Variants in HPSE2 observed in about 807,000 individuals in gnomAD.
HPSE2 encodes heparanase 2 (inactive).
In HPSE2, 38 loss-of-function variants were observed where a neutral mutation model predicts 60.5. The observed-to-expected ratio is 0.63, with a 90% CI of 0.48 to 0.82. The LOEUF is 0.82. Ranked by LOEUF, HPSE2 falls within the 40% of genes least tolerant of loss-of-function variation. The pLI is 0.00. For synonymous variants in HPSE2, 295 were observed against 293.2 expected, an observed-to-expected ratio of 1.01 and a Z score of -0.06; for missense variants, 713 against 740.4, an observed-to-expected ratio of 0.96 and a Z score of 0.43.
chr10:99,159,176 A>G (rs1408451912), intron 2 of HPSE2, among the ~76,000 whole-genome samples: 1 of 152,204 alleles, frequency 6.6e-6, no homozygotes, highest in Non-Finnish European at 1.5e-5. Flanking sequence ...ATGGAAATCA[A>G]TGAACTAGAA....
intron 3 of HPSE2, among the ~76,000 whole-genome samples, chr10:99,115,257 C>T (rs1844639535): frequency 6.6e-6 from 1 of 151,712 alleles, no homozygotes; most frequent in Non-Finnish European, 1.5e-5. Context: ...GGGTTCACCC[C>T]ATTCTCCTGC....
rs540940338 is a variant in HPSE2 at position 98,630,683 on chromosome 10, T to C, written c.1099-9975A>G. Among the ~76,000 whole-genome samples the C allele has an allele frequency of 3.3e-5, 5 of 152,306 alleles. No homozygotes were observed. The East Asian group carries it at 9.6e-4, about 29-fold the overall frequency. On this transcript the variant is annotated intron_variant, in intron 7 of 11. Coordinates refer to ENST00000370552, the MANE Select transcript of HPSE2 (RefSeq NM_021828.5). Reference sequence around the variant, plus strand: ...GACCTACCTCTGACCTTGACCTTATTATACTGAATTGTAATTTTCTATTTT... The same window carrying C: ...GACCTACCTCTGACCTTGACCTTATCATACTGAATTGTAATTTTCTATTTT...
At chr10:98,827,702 G>A (rs753954375) in intron 3 of HPSE2, among the ~76,000 whole-genome samples, 28 of 152,280 alleles carry the variant, frequency 1.8e-4, no homozygotes, top group Middle Eastern at 3.4e-3. Context: ...TACATATTTT[G>A]TCATGTGGTA....
At chr10:99,198,024 T>A (rs542180874) in intron 2 of HPSE2, among the ~76,000 whole-genome samples, 23 of 150,688 alleles carry the variant, frequency 1.5e-4, no homozygotes, top group Admixed American at 1.5e-3. Context: ...TGAGCCAAGA[T>A]CGTGCCACAC....
At chr10:99,035,844 C>T (rs1370143452) in intron 3 of HPSE2, among the ~76,000 whole-genome samples, 5 of 152,114 alleles carry the variant, frequency 3.3e-5, no homozygotes, top group East Asian at 1.9e-4. Flanking sequence ...TAGCTTTGTC[C>T]GATGAGAGAA....
At position 98,929,439 on chromosome 10, in the gene HPSE2, T is replaced by C. The variant is rs1954582104; in HGVS notation, c.611-185383A>G. Among the ~76,000 whole-genome samples the C allele has an allele frequency of 1.4e-5, 2 of 144,118 alleles. 1 individual carries two copies. The highest frequency in any genetic ancestry group is 4.2e-4 in the South Asian group (2 of 4,746). 94.5% of individuals were successfully genotyped at this position (144,118 alleles called of 152,430 possible). On this transcript the variant is annotated intron_variant, in intron 3 of 11. Coordinates refer to ENST00000370552, the MANE Select transcript of HPSE2 (RefSeq NM_021828.5). ...AAAATGGAGGTAGAAAAGATAATAC[T>C]CAAGATCCTTTCTGGCCCTATTGAT...
At chr10:98,586,225 C>T (rs1185133938) in intron 9 of HPSE2, among the ~76,000 whole-genome samples, 1 of 152,188 alleles carries the variant, frequency 6.6e-6, no homozygotes, top group Non-Finnish European at 1.5e-5. Flanking sequence ...GTTCCCCAAA[C>T]TGTTCACTGT....
chr10:98,488,515 G>A (rs1051970700), intron 10 of HPSE2, among the ~76,000 whole-genome samples: 2 of 152,206 alleles, frequency 1.3e-5, no homozygotes, highest in Admixed American at 6.5e-5. Context: ...TCGAGATCAC[G>A]TGAGGAGGCT....
intron 9 of HPSE2, among the ~76,000 whole-genome samples, chr10:98,588,327 A>G (rs183704043): frequency 1.8e-4 from 27 of 152,230 alleles, no homozygotes; most frequent in Admixed American, 6.5e-4. Flanking sequence ...TGTTTATCCT[A>G]CTAATTTTCA....
intron 9 of HPSE2, among the ~76,000 whole-genome samples, chr10:98,564,947 A>C (rs1944297317): frequency 6.6e-6 from 1 of 152,186 alleles, no homozygotes; most frequent in Admixed American, 6.5e-5. Context: ...AATTCTGGAC[A>C]AACTAGGACA....
chr10:99,269,016 G>A, the HPSE2 span, among the ~76,000 whole-genome samples: 1 of 151,938 alleles, frequency 6.6e-6, no homozygotes, highest in Non-Finnish European at 1.5e-5. Flanking sequence ...AAAATTAGCT[G>A]GGCATGGTGG....
intron 9 of HPSE2, among the ~76,000 whole-genome samples, chr10:98,503,234 G>T (rs189592196): frequency 8.8e-5 from 13 of 148,274 alleles, no homozygotes; most frequent in African/African-American, 2.7e-4. Flanking sequence ...AAGAAAAAAA[G>T]AAAAAAAGAA....
chr10:99,000,140 G>A (rs144039499), intron 3 of HPSE2, among the ~76,000 whole-genome samples: 5 of 152,076 alleles, frequency 3.3e-5, no homozygotes, highest in Admixed American at 6.6e-5. Context: ...TGTGAGGAGA[G>A]AATCATTAGA....
At chr10:98,624,812 T>TCA (rs1946164224) in intron 7 of HPSE2, among the ~76,000 whole-genome samples, 1 of 152,202 alleles carries the variant, frequency 6.6e-6, no homozygotes, top group African/African-American at 2.4e-5. Context: ...ACTAGGCCAA[T>TCA]CACAGGAAGA....
chr10:98,821,343 A>G (rs1300690022), intron 3 of HPSE2, among the ~76,000 whole-genome samples: 1 of 152,208 alleles, frequency 6.6e-6, no homozygotes, highest in Non-Finnish European at 1.5e-5. Flanking sequence ...AAAAACCTGT[A>G]TAGCATATTA....
intron 3 of HPSE2, among the ~76,000 whole-genome samples, chr10:98,867,539 A>C (rs947765656): frequency 6.6e-6 from 1 of 152,178 alleles, no homozygotes; most frequent in African/African-American, 2.4e-5. Context: ...CTTGTACACT[A>C]TTGGTGGAAA....
intron 3 of HPSE2, among the ~76,000 whole-genome samples, chr10:98,970,693 C>G (rs968231235): frequency 6.6e-6 from 1 of 152,076 alleles, no homozygotes; most frequent in African/African-American, 2.4e-5. Context: ...CTGATTGTAT[C>G]AAGTATCTGA....
In HPSE2 at chr10:98,530,132, C is replaced by T. The variant is rs114769169; in HGVS notation, c.1321-39936G>A. On this transcript the variant is annotated intron_variant, in intron 9 of 11. Coordinates refer to ENST00000370552, the MANE Select transcript of HPSE2 (RefSeq NM_021828.5). ...CTGGCTCCTTTTGGTTTCCTTCTGG[C>T]TGCTTCATTTGTATTTCTAGACAGA... is the stretch of plus-strand genomic sequence containing the variant. 4.5e-3 allele frequency among the ~76,000 whole-genome samples: 690 copies of T among 152,232 alleles called. 4 individuals carry two copies. The highest frequency in any genetic ancestry group is 0.015 in the African/African-American group (627 of 41,540).
At chr10:99,029,445 T>A (rs1197599418) in intron 3 of HPSE2, among the ~76,000 whole-genome samples, 1 of 152,070 alleles carries the variant, frequency 6.6e-6, no homozygotes, top group East Asian at 1.9e-4. Context: ...CAGAGACCGG[T>A]AGTGGCCCCA....
Sources: allele counts gnomAD v4.1 joint callset (sites outside exome capture counted in the v4.1 genomes callset), GRCh38; gene constraint gnomAD v4.1.1; transcripts MANE v1.5; gene names NCBI Gene and HGNC (gene_info 2026-07-23, HGNC 2026-07-21).